LSAMP: variants seen among roughly 807,000 people sequenced by gnomAD.
LSAMP encodes limbic system-associated membrane protein.
LSAMP carries 7 observed loss-of-function variants against 38.6 expected under a neutral mutation model. The ratio of observed to expected loss-of-function variants is 0.18; its 90% CI spans 0.10 to 0.34. The LOEUF is 0.34. Ranked by LOEUF, LSAMP falls within the 10% of genes least tolerant of loss-of-function variation. LSAMP has a pLI of 1.00. For synonymous variants in LSAMP, 154 were observed against 166.8 expected (o/e 0.92, Z 0.59); for missense variants, 313 against 420.0 (o/e 0.75, Z 2.23).
intron 6 of LSAMP, among the ~76,000 whole-genome samples, chr3:115,826,752 T>C (rs1934426283): frequency 6.6e-6 from 1 of 152,198 alleles, no homozygotes; most frequent in Non-Finnish European, 1.5e-5. Context: ...CTATCAAGAA[T>C]GTAACCTCTT....
At chr3:116,105,019 A>G (rs2107457218) in intron 1 of LSAMP, among the ~76,000 whole-genome samples, 1 of 152,352 alleles carries the variant, frequency 6.6e-6, no homozygotes. Flanking sequence ...AATATAGGGC[A>G]GAAAATGTGT....
intron 3 of LSAMP, among the ~76,000 whole-genome samples, chr3:115,911,722 A>G (rs1937140466): frequency 6.6e-6 from 1 of 152,234 alleles, no homozygotes; most frequent in Non-Finnish European, 1.5e-5. Flanking sequence ...TGGAGCATAT[A>G]GTAGCTGTAT....
chr3:116,222,942 G>A (rs892611308), intron 1 of LSAMP, among the ~76,000 whole-genome samples: 32 of 151,662 alleles, frequency 2.1e-4, no homozygotes, highest in Non-Finnish European at 3.7e-4. Flanking sequence ...GTTTCACCGT[G>A]TTAGCCAGGA....
At chr3:116,196,953 C>T (rs190407295) in intron 1 of LSAMP, among the ~76,000 whole-genome samples, 7 of 152,066 alleles carry the variant, frequency 4.6e-5, no homozygotes, top group South Asian at 2.1e-4. Flanking sequence ...GTCTCTCATT[C>T]GTTATTCTCT....
At chr3:116,298,655 T>A (rs1345918867) in intron 1 of LSAMP, among the ~76,000 whole-genome samples, 1 of 152,218 alleles carries the variant, frequency 6.6e-6, no homozygotes, top group African/African-American at 2.4e-5. Context: ...CAAAGTATGT[T>A]ATATATGTTT....
intron 2 of LSAMP, among the ~76,000 whole-genome samples, chr3:116,068,512 TAGAAAA>T (rs1387482584): frequency 6.6e-6 from 1 of 152,242 alleles, no homozygotes; most frequent in Non-Finnish European, 1.5e-5. Flanking sequence ...GTATTTTCTT[TAGAAAA>T]AGTACTCAAT....
intron 1 of LSAMP, among the ~76,000 whole-genome samples, chr3:116,096,434 G>A (rs748137441): frequency 6.6e-6 from 1 of 152,204 alleles, no homozygotes; most frequent in Non-Finnish European, 1.5e-5. Context: ...GGCTTGAGCT[G>A]TCTTGCATCT....
At chr3:115,962,340 T>C (rs1042118762) in intron 3 of LSAMP, among the ~76,000 whole-genome samples, 7 of 152,310 alleles carry the variant, frequency 4.6e-5, no homozygotes, top group African/African-American at 1.7e-4. Flanking sequence ...ATGATAGTAC[T>C]TTATACAAAA....
At chr3:115,917,592 T>C (rs1937279934) in intron 3 of LSAMP, among the ~76,000 whole-genome samples, 1 of 152,188 alleles carries the variant, frequency 6.6e-6, no homozygotes, top group African/African-American at 2.4e-5. Context: ...TTTTCCAATT[T>C]ATTCCATCCC....
At chr3:116,392,440 C>T (rs576663653) in intron 1 of LSAMP, among the ~76,000 whole-genome samples, 10 of 152,234 alleles carry the variant, frequency 6.6e-5, no homozygotes, top group Non-Finnish European at 1.5e-4. Flanking sequence ...TGGGGGTGCA[C>T]ACACTCACGG....
intron 3 of LSAMP, among the ~76,000 whole-genome samples, chr3:115,966,740 C>T (rs1938828224): frequency 6.6e-6 from 1 of 152,034 alleles, no homozygotes; most frequent in African/African-American, 2.4e-5. Context: ...GATCCATAAG[C>T]ATAATGTTGA....
At chr3:116,135,894 C>T (rs1218904732) in intron 1 of LSAMP, among the ~76,000 whole-genome samples, 1 of 152,106 alleles carries the variant, frequency 6.6e-6, no homozygotes, top group Non-Finnish European at 1.5e-5. Context: ...CTGCACTTTC[C>T]TGATTGATGA....
intron 1 of LSAMP, among the ~76,000 whole-genome samples, chr3:116,189,294 G>C (rs1159370343): frequency 1.3e-5 from 2 of 152,138 alleles, no homozygotes; most frequent in Non-Finnish European, 2.9e-5. Context: ...ATATTTTTGA[G>C]AAGAGAGTGG....
intron 1 of LSAMP, among the ~76,000 whole-genome samples, chr3:116,160,321 C>A (rs1479377392): frequency 6.7e-6 from 1 of 149,894 alleles, no homozygotes; most frequent in Admixed American, 6.6e-5. Flanking sequence ...ATTGCTTGAA[C>A]CCGGGAGGCG....
chr3:116,324,538 C>T (rs574453767), intron 1 of LSAMP, among the ~76,000 whole-genome samples: 1 of 152,236 alleles, frequency 6.6e-6, no homozygotes, highest in South Asian at 2.1e-4. Flanking sequence ...AGTGATAAAA[C>T]GTTTCATTAA....
chr3:116,043,430 G>T (rs986908863), intron 2 of LSAMP, among the ~76,000 whole-genome samples: 2 of 152,140 alleles, frequency 1.3e-5, no homozygotes, highest in Admixed American at 6.5e-5. Context: ...CTTTGCTTGA[G>T]GAAGGAATGA....
At chr3:116,352,889 G>A (rs1052929657) in intron 1 of LSAMP, among the ~76,000 whole-genome samples, 4 of 152,044 alleles carry the variant, frequency 2.6e-5, no homozygotes, top group South Asian at 2.1e-4. Flanking sequence ...GTTTATAGCT[G>A]TATAGTTTGT....
At chr3:116,326,389 A>G (rs183865505) in intron 1 of LSAMP, among the ~76,000 whole-genome samples, 3 of 152,136 alleles carry the variant, frequency 2.0e-5, no homozygotes, top group Non-Finnish European at 4.4e-5. Flanking sequence ...ACCAGATCTG[A>G]TTCCTTTGAA....
chr3:116,204,836 G>C (rs2046043809), intron 1 of LSAMP, among the ~76,000 whole-genome samples: 1 of 148,310 alleles, frequency 6.7e-6, no homozygotes, highest in South Asian at 2.2e-4. Flanking sequence ...CAGGTAGTGT[G>C]ATGCCTCCAG....
Sources: gnomAD v4.1 joint callset for allele counts (sites outside exome capture counted in the v4.1 genomes callset) on GRCh38, gnomAD v4.1.1 for gene constraint, MANE v1.5 for transcripts, NCBI Gene and HGNC (gene_info 2026-07-23, HGNC 2026-07-21) for gene names.